Variants in ATL2 observed in about 807,000 individuals in gnomAD.
ATL2 encodes the protein atlastin GTPase 2.
ATL2 carries 31 observed loss-of-function variants against 73.9 expected under a neutral mutation model. The observed-to-expected ratio is 0.42, with a 90% CI of 0.32 to 0.57. ATL2 has a LOEUF of 0.57. ATL2 is among the 20% of genes least tolerant of loss of function. The pLI is 0.14. For synonymous variants in ATL2, 291 were observed against 237.5 expected (o/e 1.23, Z -2.07); for missense variants, 738 against 702.6 (o/e 1.05, Z -0.57).
intron 2 of ATL2, among the ~76,000 whole-genome samples, chr2:38,328,834 T>A (rs541380819): frequency 1.3e-5 from 2 of 150,956 alleles, no homozygotes; most frequent in African/African-American, 4.9e-5. Context: ...ACTGATGAAA[T>A]TGAAACAAGA....
chr2:38,343,272 T>C lies in ATL2; in HGVS notation c.359A>G (p.Asn120Ser). 6.2e-7 allele frequency: 1 copy of C among 1,603,766 alleles called. No homozygotes were observed. Among genetic ancestry groups the C allele is most frequent in the Non-Finnish European group, 8.5e-7 (1 of 1,177,276 alleles). The change falls in exon 2 of 13, where the codon AAC (asparagine) becomes AGC (serine). Residue 120 changes from asparagine to serine, a missense_variant. Physicochemically the swap from Asn to Ser is conservative, Grantham distance 46 (BLOSUM62 1). Coordinates refer to ENST00000378954, the MANE Select transcript of ATL2 (RefSeq NM_001135673.4). ...LLDFMLRYMYNKDSQSWIGGN... is the reference protein window; with the variant it reads ...LLDFMLRYMYSKDSQSWIGGN... ...TCAATTTAAAAGACTATTCACCTTGTTATACATGTATCTAAGCATGAAGTC... is the reference window on the plus strand; with the variant it reads ...TCAATTTAAAAGACTATTCACCTTGCTATACATGTATCTAAGCATGAAGTC...
At chr2:38,300,520 T>C (rs1667130689) in intron 9 of ATL2, 192 bp from the exon 10 acceptor site, 2 of 440,398 alleles carry the variant, frequency 4.5e-6, no homozygotes, top group African/African-American at 4.0e-5. Context: ...CTAAATAATA[T>C]CCTAGGTATT....
chr2:38,309,387 A>G lies in ATL2; in HGVS notation c.1063T>C (p.Tyr355His). The change falls in exon 9 of 13, where the codon TAT becomes CAT. Residue 355 changes from tyrosine (Y) to histidine (H), a missense_variant. By Grantham distance (83) the Tyr-to-His change is moderately conservative. Transcript: ENST00000378954. ...SKVTCRDLVE[Y>H]FKAYIKIYQG... ...TTTAAGAGCTCACCTACCTTAAAAT[A>G]TTCTACAAGATCTCTACAAGTGACT... The G allele has an allele frequency of 6.2e-7, 1 of 1,606,832 alleles. No homozygotes were observed. The highest frequency in any genetic ancestry group is 8.5e-7 in the Non-Finnish European group (1 of 1,178,768).
At chr2:38,356,044 C>T (rs1670648255) in intron 1 of ATL2, among the ~76,000 whole-genome samples, 1 of 151,290 alleles carries the variant, frequency 6.6e-6, no homozygotes, top group African/African-American at 2.4e-5. Context: ...AATAAGAAAA[C>T]AAAAAATTAC....
At chr2:38,350,544 C>T (rs1185939151) in intron 1 of ATL2, among the ~76,000 whole-genome samples, 6 of 152,026 alleles carry the variant, frequency 3.9e-5, no homozygotes, top group African/African-American at 1.2e-4. Flanking sequence ...CATTATACAT[C>T]TATGAAAAAA....
At chr2:38,311,457 TA>T (rs1667753014) in intron 7 of ATL2, among the ~76,000 whole-genome samples, 1 of 152,122 alleles carries the variant, frequency 6.6e-6, no homozygotes, top group South Asian at 2.1e-4. Flanking sequence ...GGAAACTACC[TA>T]AATCTCCCAT....
intron 1 of ATL2, among the ~76,000 whole-genome samples, chr2:38,360,430 C>A (rs1005809362): frequency 2.0e-5 from 3 of 151,970 alleles, no homozygotes; most frequent in African/African-American, 7.3e-5. Context: ...GGACCACAGG[C>A]ATGCACTACC....
intron 1 of ATL2, among the ~76,000 whole-genome samples, chr2:38,364,826 C>T (rs1267676269): frequency 1.3e-5 from 2 of 152,058 alleles, no homozygotes; most frequent in Non-Finnish European, 2.9e-5. Flanking sequence ...GGGTGGATCA[C>T]GAGGTCAGGA....
chr2:38,300,196 C>G, intron 10 of ATL2, 76 bp downstream of exon 10: 1 of 1,303,072 alleles, frequency 7.7e-7, no homozygotes, highest in Non-Finnish European at 1.1e-6. Context: ...TTCAGCATTT[C>G]TCTCTAAAGC....
intron 2 of ATL2, among the ~76,000 whole-genome samples, chr2:38,321,272 AC>A (rs374757243): frequency 1.6e-4 from 24 of 151,960 alleles, no homozygotes; most frequent in African/African-American, 5.5e-4. Context: ...ATTCCACAAA[AC>A]TCCCATCCCC....
At chr2:38,311,704 G>A (rs1436646999) in intron 7 of ATL2, among the ~76,000 whole-genome samples, 2 of 152,160 alleles carry the variant, frequency 1.3e-5, no homozygotes, top group African/African-American at 2.4e-5. Flanking sequence ...GCTGTATGGA[G>A]GTGAGTGCTT....
At chr2:38,309,678 T>C (rs1009861397) in intron 8 of ATL2, among the ~76,000 whole-genome samples, 172 bp from the exon 9 acceptor site, 1 of 151,818 alleles carries the variant, frequency 6.6e-6, no homozygotes, top group Non-Finnish European at 1.5e-5. Flanking sequence ...TAGGAAAAAA[T>C]ATAATCCCCC....
intron 1 of ATL2, among the ~76,000 whole-genome samples, chr2:38,370,448 C>CCA (rs1671616075): frequency 3.6e-5 from 2 of 55,190 alleles, no homozygotes; most frequent in Non-Finnish European, 7.6e-5. Flanking sequence ...GACTCTGTCC[C>CCA]AAAAAAAAAA....
intron 12 of ATL2, 60 bp downstream of exon 12, chr2:38,298,084 G>A: frequency 1.4e-6 from 2 of 1,473,124 alleles, no homozygotes; most frequent in Non-Finnish European, 1.8e-6. Context: ...ATACTGCAAA[G>A]GATGGAAAGT....
chr2:38,354,123 T>A (rs191735133), intron 1 of ATL2: 1 of 410,378 alleles, frequency 2.4e-6, no homozygotes, highest in African/African-American at 2.3e-5. Flanking sequence ...ACCCGGGAGG[T>A]TGCAGTAAGC....
chr2:38,363,387 T>C lies in ATL2; in HGVS notation c.118+13756A>G, dbSNP rs567693693. On this transcript the variant is annotated intron_variant, in intron 1 of 12. Coordinates refer to ENST00000378954, the MANE Select transcript of ATL2 (RefSeq NM_001135673.4). ...TAAAAAGGTGGGGGGGGGGGTTATTTATCATCTTTATAACAAATCTTGGCA... is the reference window on the plus strand; with the variant it reads ...TAAAAAGGTGGGGGGGGGGGTTATTCATCATCTTTATAACAAATCTTGGCA... 8.9e-4 allele frequency among the ~76,000 whole-genome samples: 134 copies of C among 150,444 alleles called. 1 individual carries two copies. In the South Asian group the frequency reaches 0.026, roughly 30 times the overall value.
rs143910526 is a variant in ATL2, at chr2:38,377,204, G to C, written c.57C>G (p.Arg19=). ...RGQQPHQGLW[R]RRRTSDPSAA... is the part of the protein sequence containing the mutation. ...CGCTTGGGTCGCTGGTCCGTCGCCG[G>C]CGCCACAGCCCCTGGTGCGGTTGCT... The change falls in exon 1 of 13, where the codon CGC becomes CGG. Residue 19 remains arginine, a synonymous_variant. Transcript: ENST00000378954. 4.3e-6 allele frequency: 7 copies of C among 1,609,736 alleles called. No individual in the cohort carries two copies. Among genetic ancestry groups the C allele is most frequent in the East Asian group, 4.5e-5 (2 of 44,750 alleles).
intron 1 of ATL2, among the ~76,000 whole-genome samples, chr2:38,376,825 C>T (rs1671998647): frequency 6.6e-6 from 1 of 151,418 alleles, no homozygotes; most frequent in Non-Finnish European, 1.5e-5. Flanking sequence ...CAAGGCCGCC[C>T]CCTAAGGTCG....
intron 12 of ATL2, chr2:38,296,577 A>G (rs1666905977): frequency 1.2e-6 from 2 of 1,614,030 alleles, no homozygotes; most frequent in East Asian, 2.2e-5. Context: ...AACTTCAAAC[A>G]GTTTGGAAAA....
Sources: gnomAD v4.1 joint callset for allele counts (sites outside exome capture counted in the v4.1 genomes callset) on GRCh38, gnomAD v4.1.1 for gene constraint, MANE v1.5 for transcripts, NCBI Gene and HGNC (gene_info 2026-07-23, HGNC 2026-07-21) for gene names.